Variants in ZNF664 observed in about 807,000 individuals in gnomAD.
ZNF664 encodes the protein zinc finger protein 664.
Under a neutral mutation model 18.2 loss-of-function variants are expected in ZNF664, and 10 were observed. The ratio of observed to expected loss-of-function variants is 0.55; its 90% confidence interval spans 0.34 to 0.93. The LOEUF (loss-of-function observed/expected upper bound fraction) is 0.93. ZNF664 is among the 40% of genes least tolerant of loss of function. The pLI is 0.02. For synonymous variants in ZNF664, 119 were observed against 104.2 expected (o/e 1.14, Z -0.86); for missense variants, 193 against 319.0 (o/e 0.61, Z 3.01).
chr12:123,987,527 A>C (rs976996216), intron 2 of ZNF664, among the ~76,000 whole-genome samples: 1 of 152,172 alleles, frequency 6.6e-6, no homozygotes, highest in Admixed American at 6.5e-5. Flanking sequence ...AGCTGCCTTT[A>C]TTATCTCCAT....
chr12:124,003,872 C>T (rs1391252266), intron 3 of ZNF664, among the ~76,000 whole-genome samples: 1 of 152,110 alleles, frequency 6.6e-6, no homozygotes, highest in Non-Finnish European at 1.5e-5. Flanking sequence ...ACTCCAGTGC[C>T]CATTTGAGAT....
Position 124,013,368 on chromosome 12 carries a change from C to T in ZNF664, c.*438C>T, listed in dbSNP as rs192895177. ...AATGCATTGGAAAACAGACAGCTCCCACTAAGATCACGTTCTGGTATTTCT... is the reference window on the plus strand; with the variant it reads ...AATGCATTGGAAAACAGACAGCTCCTACTAAGATCACGTTCTGGTATTTCT... On this transcript the variant is annotated 3_prime_UTR_variant, in exon 5 of 5. Transcript: ENST00000337815. 7.3e-5 allele frequency: 14 copies of T among 190,794 alleles called. No individual in the cohort carries two copies. Among genetic ancestry groups the T allele is most frequent in the Admixed American group, 6.5e-4 (12 of 18,594 alleles). The allele number at this position is 190,794 out of a possible 1,614,324, so 11.8% of individuals were successfully genotyped here.
At position 124,013,951 on chromosome 12, in the gene ZNF664, A is replaced by G. The variant is rs1033061421; in HGVS notation, c.*1021A>G. On this transcript the variant is annotated 3_prime_UTR_variant, in exon 5 of 5. Transcript: ENST00000337815. The stretch of plus-strand genomic sequence containing the variant: ...TAGGCATGAACGTCTTTATTAATCC[A>G]TCATTCTTTTCTTCATTCAACAAAT... The G allele has an allele frequency of 2.4e-5, 4 of 167,094 alleles. No homozygotes were observed. Among genetic ancestry groups the G allele is most frequent in the Admixed American group, 6.5e-5 (1 of 15,284 alleles). The allele number at this position is 167,094 out of a possible 1,614,324, so 10.4% of individuals were successfully genotyped here.
intron 2 of ZNF664, among the ~76,000 whole-genome samples, chr12:123,981,470 C>T (rs1470049951): frequency 6.6e-6 from 1 of 152,150 alleles, no homozygotes; most frequent in East Asian, 1.9e-4. Flanking sequence ...TGTTAACATG[C>T]TCAGCCCCCT....
chr12:123,996,071 T>C (rs1404008280), intron 3 of ZNF664, among the ~76,000 whole-genome samples: 1 of 152,246 alleles, frequency 6.6e-6, no homozygotes, highest in Non-Finnish European at 1.5e-5. Context: ...GCCAGGCTCC[T>C]AAGCCATCTT....
chr12:123,975,413 CTCT>C (rs1299962629), intron 2 of ZNF664, among the ~76,000 whole-genome samples: 2 of 150,060 alleles, frequency 1.3e-5, no homozygotes, highest in African/African-American at 4.9e-5. Flanking sequence ...TCTTTTCTTC[CTCT>C]TCATTAAAAA....
chr12:123,981,951 A>T (rs1273868190), intron 2 of ZNF664, among the ~76,000 whole-genome samples: 2 of 152,222 alleles, frequency 1.3e-5, no homozygotes, highest in Non-Finnish European at 2.9e-5. Flanking sequence ...ATTATTTGAG[A>T]CTGCATGACC....
chr12:124,011,756 C>T lies in ZNF664; in HGVS notation c.-389C>T. The T allele has an allele frequency of 9.3e-7, 1 of 1,071,954 alleles. No individual in the cohort carries two copies. 66.4% of individuals were successfully genotyped at this position (1,071,954 alleles called of 1,614,324 possible). A position where few individuals can be genotyped will look rare whatever the true frequency, so the allele number is the denominator to read the frequency against. ...GGGGATATACTGTACAGTCCTTTTTCTAGAAGTGAGACATACAAGATTACT... is the reference window on the plus strand; with the variant it reads ...GGGGATATACTGTACAGTCCTTTTTTTAGAAGTGAGACATACAAGATTACT... On this transcript the variant is annotated 5_prime_UTR_variant, in exon 5 of 5. Transcript: ENST00000337815.
At chr12:124,001,679 A>G (rs527902206) in intron 3 of ZNF664, among the ~76,000 whole-genome samples, 1 of 152,348 alleles carries the variant, frequency 6.6e-6, no homozygotes, top group East Asian at 1.9e-4. Flanking sequence ...AGCACTGTGC[A>G]GGGCTGCTTT....
chr12:123,999,414 A>G (rs1445541570), intron 3 of ZNF664, among the ~76,000 whole-genome samples: 1 of 152,226 alleles, frequency 6.6e-6, no homozygotes, highest in African/African-American at 2.4e-5. Flanking sequence ...GAGGGGGATT[A>G]TATATAGTTA....
intron 3 of ZNF664, among the ~76,000 whole-genome samples, chr12:123,997,460 A>T (rs1956963108): frequency 6.6e-6 from 1 of 152,186 alleles, no homozygotes; most frequent in Non-Finnish European, 1.5e-5. Flanking sequence ...GCTTTACAGG[A>T]GAATCCTTTG....
At chr12:124,010,965 A>G (rs1957129569) in intron 3 of ZNF664, among the ~76,000 whole-genome samples, 1 of 152,178 alleles carries the variant, frequency 6.6e-6, no homozygotes, top group Non-Finnish European at 1.5e-5. Context: ...AGAGGCAGGA[A>G]GCACAGGGAG....
chr12:124,000,449 T>C (rs1359457788), intron 3 of ZNF664, among the ~76,000 whole-genome samples: 1 of 152,182 alleles, frequency 6.6e-6, no homozygotes, highest in Non-Finnish European at 1.5e-5. Context: ...CATTGGCCCT[T>C]TCTGTTATTT....
intron 2 of ZNF664, among the ~76,000 whole-genome samples, chr12:123,981,785 CAT>C (rs1055000395): frequency 5.9e-5 from 9 of 152,304 alleles, no homozygotes; most frequent in African/African-American, 9.6e-5. Context: ...TTACAGTACA[CAT>C]GTTTTGCTGT....
At chr12:124,004,758 A>G (rs1022546795) in intron 3 of ZNF664, 1 of 152,310 alleles carries the variant, frequency 6.6e-6, no homozygotes, top group Non-Finnish European at 1.5e-5. Flanking sequence ...CAGCGGCGGC[A>G]TTAGATTCTC....
rs996410877 is a variant in ZNF664, at chr12:124,013,524, T to G, written c.*594T>G. Reference sequence around the variant, plus strand: ...ATTAACTTTCATTTTAGATTTTAGGTGACTCATAATTCCCATTCACTTAGC... The same window carrying G: ...ATTAACTTTCATTTTAGATTTTAGGGGACTCATAATTCCCATTCACTTAGC... On this transcript the variant is annotated 3_prime_UTR_variant, in exon 5 of 5. Transcript: ENST00000337815. 6 of 169,930 alleles carry G rather than the reference T, an allele frequency of 3.5e-5. No individual in the cohort carries two copies. The highest frequency in any genetic ancestry group is 8.6e-5 in the Non-Finnish European group (6 of 70,010). 10.5% of individuals were successfully genotyped at this position (169,930 alleles called of 1,614,324 possible).
chr12:123,975,992 G>T (rs1956686490), intron 2 of ZNF664, among the ~76,000 whole-genome samples: 1 of 152,222 alleles, frequency 6.6e-6, no homozygotes, highest in African/African-American at 2.4e-5. Context: ...ATGATTGAAT[G>T]ATGTGATGGG....
At chr12:123,991,112 T>C (rs757999913) in intron 3 of ZNF664, among the ~76,000 whole-genome samples, 1 of 152,232 alleles carries the variant, frequency 6.6e-6, no homozygotes, top group Non-Finnish European at 1.5e-5. Flanking sequence ...CACCAAATTA[T>C]TATGATTCTT....
chr12:124,001,246 A>G (rs1186343992), intron 3 of ZNF664, among the ~76,000 whole-genome samples: 2 of 152,192 alleles, frequency 1.3e-5, no homozygotes, highest in African/African-American at 4.8e-5. Context: ...AATGACTAAG[A>G]TGATCCCCTA....
Sources: gnomAD v4.1 joint callset for allele counts (sites outside exome capture counted in the v4.1 genomes callset) on GRCh38, gnomAD v4.1.1 for gene constraint, MANE v1.5 for transcripts, NCBI Gene and HGNC (gene_info 2026-07-23, HGNC 2026-07-21) for gene names.